ICE1: variants seen among roughly 807,000 people sequenced by gnomAD.
The protein encoded by ICE1 is interactor of little elongation complex ELL subunit 1.
ICE1 carries 64 observed loss-of-function variants against 192.7 expected under a neutral mutation model. That is an observed-to-expected ratio of 0.33 (90% CI 0.27 to 0.41). ICE1 has a LOEUF of 0.41. Among genes scored for constraint, ICE1 ranks in the 10% least tolerant of loss-of-function variants. The pLI, the probability that ICE1 is intolerant of heterozygous loss-of-function variation, is 1.00. For synonymous variants in ICE1, 1,010 were observed against 984.5 expected, an observed-to-expected ratio of 1.03 and a Z score of -0.49; for missense variants, 2,708 against 2,696.0, an observed-to-expected ratio of 1.00 and a Z score of -0.10.
chr5:5,454,512 G>A, intron 10 of ICE1, 40 bp from the exon 11 acceptor site: 1 of 1,452,796 alleles, frequency 6.9e-7, no homozygotes, highest in South Asian at 1.2e-5. Context: ...TGTACGGTGA[G>A]CCAAATGACG....
At chr5:5,471,180 G>A (rs1431795227) in intron 15 of ICE1, among the ~76,000 whole-genome samples, 1 of 152,156 alleles carries the variant, frequency 6.6e-6, no homozygotes, top group Non-Finnish European at 1.5e-5. Context: ...GTGAAGATTT[G>A]AAATGGGAAA....
intron 17 of ICE1, among the ~76,000 whole-genome samples, chr5:5,482,944 CTT>C (rs1739545170): frequency 6.6e-6 from 1 of 152,070 alleles, no homozygotes; most frequent in Admixed American, 6.6e-5. Context: ...ATAATAATAA[CTT>C]AAGTCACACA....
At chr5:5,468,624 G>A (rs1347295650) in intron 14 of ICE1, among the ~76,000 whole-genome samples, 2 of 152,186 alleles carry the variant, frequency 1.3e-5, no homozygotes, top group Non-Finnish European at 2.9e-5. Context: ...ATACCAAATG[G>A]GAGAATTCTG....
At position 5,464,174 on chromosome 5, in the gene ICE1, A is replaced by G. The variant is rs758149549; in HGVS notation, c.4840A>G (p.Thr1614Ala). Residue 1614 changes from threonine to alanine, a missense_variant, in exon 13 of 19, where the codon ACA becomes GCA. Physicochemically the swap from Thr to Ala is moderately conservative, Grantham distance 58 (BLOSUM62 0). Around this residue, in one of 2 missense-constraint regions of ICE1, gnomAD observed 2,366 missense variants for 2,276.6 expected, o/e 1.04. Coordinates refer to ENST00000296564, the MANE Select transcript of ICE1 (RefSeq NM_015325.3). The surrounding 1 kb of genome is among the most constrained non-coding windows in gnomAD (Gnocchi z 4.0). ...AGCAAATGCTGATACATCCACTCCT[A>G]CAGATTGTTCTCCTGACACACTGAG... is the stretch of plus-strand genomic sequence containing the variant. Reference protein sequence around the residue: ...ILANADTSTPTDCSPDTLSKI... With the variant: ...ILANADTSTPADCSPDTLSKI... 1 of 1,613,642 alleles carries G rather than the reference A, an allele frequency of 6.2e-7. No individual in the cohort carries two copies. Among genetic ancestry groups the G allele is most frequent in the South Asian group, 1.1e-5 (1 of 91,060 alleles).
chr5:5,465,755 A>C (rs898070585), intron 13 of ICE1, among the ~76,000 whole-genome samples: 6 of 152,192 alleles, frequency 3.9e-5, no homozygotes, highest in Non-Finnish European at 8.8e-5. Context: ...GCTTATCTGC[A>C]GACACTTGGA....
Position 5,475,964 on chromosome 5 carries a change from T to A in ICE1, c.6414-9T>A. On this transcript the variant is annotated splice_polypyrimidine_tract_variant and intron_variant, in intron 16 of 18. Transcript: ENST00000296564. The stretch of plus-strand genomic sequence containing the variant: ...TGAGCATACATCTTTTCATGTTGTT[T>A]TTTTATAGTAAGGAGCTGTGGCCTG... 1 of 1,562,852 alleles carries A rather than the reference T, an allele frequency of 6.4e-7. No homozygotes were observed. Among genetic ancestry groups the A allele is most frequent in the Non-Finnish European group, 8.8e-7 (1 of 1,137,558 alleles).
At chr5:5,445,871 G>A (rs1738205417) in intron 7 of ICE1, among the ~76,000 whole-genome samples, 1 of 151,158 alleles carries the variant, frequency 6.6e-6, no homozygotes. Context: ...TGTGTCATGT[G>A]CCACCACACC....
intron 17 of ICE1, among the ~76,000 whole-genome samples, chr5:5,478,525 C>T (rs1156859651): frequency 6.6e-6 from 1 of 152,174 alleles, no homozygotes; most frequent in East Asian, 1.9e-4. Flanking sequence ...AACCACACTG[C>T]CCAAAGTAAT....
At chr5:5,435,350 T>C (rs907040605) in intron 1 of ICE1, among the ~76,000 whole-genome samples, 1 of 152,214 alleles carries the variant, frequency 6.6e-6, no homozygotes, top group Admixed American at 6.5e-5. Context: ...GAAATATTAC[T>C]GTAACTATCA....
chr5:5,443,256 C>T lies in ICE1; in HGVS notation c.386+12C>T. 1 of 1,336,678 alleles carries T rather than the reference C, an allele frequency of 7.5e-7. No homozygotes were observed. Among genetic ancestry groups the T allele is most frequent in the South Asian group, 1.4e-5 (1 of 70,194 alleles). 82.8% of individuals were successfully genotyped at this position (1,336,678 alleles called of 1,614,324 possible). A position where few individuals can be genotyped will look rare whatever the true frequency, so the allele number is the denominator to read the frequency against. On this transcript the variant is annotated intron_variant, in intron 6 of 18. Coordinates refer to ENST00000296564, the MANE Select transcript of ICE1 (RefSeq NM_015325.3). ...AAGAGTGATGCTCAGTAAGTAGTTA[C>T]TAAATTACTATAGAAATACGGTTTT...
intron 13 of ICE1, among the ~76,000 whole-genome samples, chr5:5,466,081 A>G (rs948772398): frequency 6.6e-6 from 1 of 152,202 alleles, no homozygotes; most frequent in Non-Finnish European, 1.5e-5. Flanking sequence ...TGAGACTTGC[A>G]TTCTGGCATC....
In ICE1 at chr5:5,457,581, G is replaced by A. The variant is rs1444001065; in HGVS notation, c.941G>A (p.Gly314Asp). The A allele has an allele frequency of 3.7e-6, 6 of 1,613,984 alleles. No individual in the cohort carries two copies. The highest frequency in any genetic ancestry group is 5.1e-6 in the Non-Finnish European group (6 of 1,179,878). Residue 314 changes from glycine (G) to aspartate (D), a missense_variant, in exon 12 of 19, where the codon GGT (glycine) becomes GAT (aspartate). This residue lies in a region of ICE1 where 2,366 missense variants were observed against 2,276.6 expected (regional missense o/e 1.04). Coordinates refer to ENST00000296564, the MANE Select transcript of ICE1 (RefSeq NM_015325.3). ...LEVLVQSHRD[G>D]GSTEFVDHDH... ...GTTTTAGTACAAAGTCATCGTGACG[G>A]TGGTAGTACTGAATTTGTTGATCAT... is the stretch of plus-strand genomic sequence containing the variant.
chr5:5,469,933 A>G (rs1442636363), intron 15 of ICE1, among the ~76,000 whole-genome samples: 1 of 152,092 alleles, frequency 6.6e-6, no homozygotes, highest in Non-Finnish European at 1.5e-5. Context: ...CAGCAACCAC[A>G]TATATATCTG....
intron 17 of ICE1, among the ~76,000 whole-genome samples, chr5:5,484,231 C>T (rs1246169127): frequency 6.6e-6 from 1 of 152,146 alleles, no homozygotes; most frequent in African/African-American, 2.4e-5. Flanking sequence ...CTCATGATTT[C>T]CTCTTATTTT....
At chr5:5,458,610 C>T (rs370607727) in intron 12 of ICE1, among the ~76,000 whole-genome samples, 1 of 152,216 alleles carries the variant, frequency 6.6e-6, no homozygotes, top group South Asian at 2.1e-4. Context: ...GAGCTGTTCT[C>T]ACAAGAATGT....
Position 5,489,571 on chromosome 5 carries a change from T to C in ICE1, c.*241T>C, listed in dbSNP as rs1739732338. 2.9e-6 allele frequency: 1 copy of C among 346,480 alleles called. No homozygotes were observed. Among genetic ancestry groups the C allele is most frequent in the East Asian group, 4.7e-5 (1 of 21,400 alleles). The allele number at this position is 346,480 out of a possible 1,614,324, so 21.5% of individuals were successfully genotyped here. ...GTTGTGATCTGTGACATATGGGTTA[T>C]ATTATTGTGTCTTTGTCAAACAACA... is the stretch of plus-strand genomic sequence containing the variant. On this transcript the variant is annotated 3_prime_UTR_variant, in exon 19 of 19. Coordinates refer to ENST00000296564, the MANE Select transcript of ICE1 (RefSeq NM_015325.3).
intron 10 of ICE1, among the ~76,000 whole-genome samples, chr5:5,452,265 T>A (rs1451678197): frequency 6.6e-6 from 1 of 151,424 alleles, no homozygotes; most frequent in Non-Finnish European, 1.5e-5. Flanking sequence ...AAGTTGAAAT[T>A]GTCATTATTT....
At chr5:5,444,361 C>T in intron 7 of ICE1, 35 bp downstream of exon 7, 1 of 1,507,156 alleles carries the variant, frequency 6.6e-7, no homozygotes, top group Non-Finnish European at 9.0e-7. Flanking sequence ...AGTTTTCGGT[C>T]AGTACAAAAA....
Position 5,462,417 on chromosome 5 carries a change from G to C in ICE1, c.3083G>C (p.Gly1028Ala). Residue 1028 changes from glycine to alanine, a missense_variant, in exon 13 of 19, where the codon GGT (glycine) becomes GCT (alanine). Physicochemically the swap from Gly to Ala is moderately conservative, Grantham distance 60 (BLOSUM62 0). Coordinates refer to ENST00000296564, the MANE Select transcript of ICE1 (RefSeq NM_015325.3). The part of the protein sequence containing the change: ...ETSCGDTGRS[G>A]GEALAVANDS... ...AGCTGTGGAGACACAGGGAGATCTG[G>C]TGGTGAGGCCCTGGCTGTTGCAAAT... 1 of 1,614,056 alleles carries C rather than the reference G, an allele frequency of 6.2e-7. No individual in the cohort carries two copies. Among genetic ancestry groups the C allele is most frequent in the Non-Finnish European group, 8.5e-7 (1 of 1,179,888 alleles).
Sources: allele counts gnomAD v4.1 joint callset (sites outside exome capture counted in the v4.1 genomes callset), GRCh38; gene constraint gnomAD v4.1.1; regional missense constraint gnomAD v4.1.1; non-coding constraint Gnocchi (gnomAD v3.1); transcripts MANE v1.5; gene names NCBI Gene and HGNC (gene_info 2026-07-23, HGNC 2026-07-21).